SUFU: variants seen among roughly 807,000 people sequenced by gnomAD.
SUFU encodes the protein SUFU negative regulator of hedgehog signaling, also known as suppressor of fused homolog.
A neutral mutation model predicts 58.9 loss-of-function variants in SUFU; 7 were observed. That is an observed-to-expected ratio of 0.12 (90% CI 0.07 to 0.22). The LOEUF (loss-of-function observed/expected upper bound fraction) is 0.22. Among genes scored for constraint, SUFU ranks in the 10% least tolerant of loss-of-function variants. SUFU has a pLI of 1.00. For missense variants in SUFU, 451 were observed against 641.3 expected, an observed-to-expected ratio of 0.70 and a Z score of 3.20; for synonymous variants, 232 against 254.8, an observed-to-expected ratio of 0.91 and a Z score of 0.85.
At chr10:102,554,554 A>G (rs2062953935) in intron 3 of SUFU, among the ~76,000 whole-genome samples, 1 of 152,214 alleles carries the variant, frequency 6.6e-6, no homozygotes, top group South Asian at 2.1e-4. Context: ...CAATACTCTT[A>G]CCGTCTCCTG....
In SUFU at chr10:102,521,940, C is replaced by T. The variant is rs78856533; in HGVS notation, c.317+12637C>T. On this transcript the variant is annotated intron_variant, in intron 2 of 11. Transcript: ENST00000369902. The stretch of plus-strand genomic sequence containing the variant: ...TGATAATCCTATCACCTTTTGTTTA[C>T]AATTCTATGTCTGTTCTTATGATGA... 2.2e-4 allele frequency among the ~76,000 whole-genome samples: 33 copies of T among 152,272 alleles called. No individual in the cohort carries two copies. In the East Asian group the frequency reaches 6.4e-3, roughly 29 times the overall value.
rs186697227 is a variant in SUFU, at chr10:102,617,605, C to T, written c.1296+177C>T. The stretch of plus-strand genomic sequence containing the variant: ...TATGGAGTGTGGATGCTGCTACCCA[C>T]TCCAGCAGCTTAGGAGCACTTCCTG... On this transcript the variant is annotated intron_variant, in intron 10 of 11. Transcript: ENST00000369902. The surrounding 1 kb of genome is among the most constrained non-coding windows in gnomAD (Gnocchi z 4.4). 987 of 774,282 alleles carry T rather than the reference C, an allele frequency of 1.3e-3. 8 individuals are homozygous for T. The African/African-American group carries it at 0.015, about 12-fold the overall frequency. The allele number at this position is 774,282 out of a possible 1,614,324, so 48.0% of individuals were successfully genotyped here.
At position 102,504,107 on chromosome 10, in the gene SUFU, TCGTTTG is replaced by T; in HGVS notation, c.-44_-39del. On this transcript the variant is annotated 5_prime_UTR_variant, in exon 1 of 12. Coordinates refer to ENST00000369902, the MANE Select transcript of SUFU (RefSeq NM_016169.4). ...CGCTGGCCCGTCAGTGCTCTCCCCGTCGTTTGCCCTCTCCAGTTCCCCCAGTGCCTG... is the reference window on the plus strand; with the variant it reads ...CGCTGGCCCGTCAGTGCTCTCCCCGTCCCTCTCCAGTTCCCCCAGTGCCTG... The T allele has an allele frequency of 6.6e-7, 1 of 1,515,864 alleles. No individual in the cohort carries two copies. Among genetic ancestry groups the T allele is most frequent in the Non-Finnish European group, 8.8e-7 (1 of 1,136,908 alleles). 93.9% of individuals were successfully genotyped at this position (1,515,864 alleles called of 1,614,324 possible). A position where few individuals can be genotyped will look rare whatever the true frequency, so the allele number is the denominator to read the frequency against.
intron 2 of SUFU, among the ~76,000 whole-genome samples, chr10:102,539,440 T>G (rs560402683): frequency 6.6e-6 from 1 of 152,278 alleles, no homozygotes; most frequent in South Asian, 2.1e-4. Flanking sequence ...TTTGATTGTT[T>G]GGTTAAGGTG....
chr10:102,627,718 C>T (rs1012933000), intron 11 of SUFU, among the ~76,000 whole-genome samples: 4 of 152,336 alleles, frequency 2.6e-5, no homozygotes, highest in East Asian at 1.9e-4. Context: ...CTCCCTTCTT[C>T]GTCCTCCAGC....
At chr10:102,559,824 A>T (rs1210038820) in intron 3 of SUFU, among the ~76,000 whole-genome samples, 2 of 152,168 alleles carry the variant, frequency 1.3e-5, no homozygotes, top group Non-Finnish European at 2.9e-5. Flanking sequence ...TTTAACCACA[A>T]ATTCCAAGGC....
chr10:102,553,475 T>C (rs1021045368), intron 3 of SUFU, among the ~76,000 whole-genome samples: 1 of 151,944 alleles, frequency 6.6e-6, no homozygotes, highest in African/African-American at 2.4e-5. Context: ...TTTTTTTTTT[T>C]TTTTTTGAGA....
At position 102,619,430 on chromosome 10, in the gene SUFU, T is replaced by C; in HGVS notation, c.1296+2002T>C. ...GGAACGAGCTGCTGGCCTCGGCATGTTTCAATAAAGTTGCTGTGCTGGGAG... is the reference window on the plus strand; with the variant it reads ...GGAACGAGCTGCTGGCCTCGGCATGCTTCAATAAAGTTGCTGTGCTGGGAG... On this transcript the variant is annotated intron_variant, in intron 10 of 11. Coordinates refer to ENST00000369902, the MANE Select transcript of SUFU (RefSeq NM_016169.4). This position sits in a 1 kb window ranked among gnomAD's most constrained non-coding sequence, Gnocchi z 4.2. 1 of 1,331,974 alleles carries C rather than the reference T, an allele frequency of 7.5e-7. No individual in the cohort carries two copies. Among genetic ancestry groups the C allele is most frequent in the Non-Finnish European group, 9.7e-7 (1 of 1,035,566 alleles). 82.5% of individuals were successfully genotyped at this position (1,331,974 alleles called of 1,614,324 possible).
intron 3 of SUFU, among the ~76,000 whole-genome samples, chr10:102,589,846 G>C (rs566876733): frequency 6.6e-6 from 1 of 152,244 alleles, no homozygotes; most frequent in East Asian, 1.9e-4. Context: ...TCGTGTTCCT[G>C]ATCGTAGAAG....
At chr10:102,578,312 T>C (rs1346178374) in intron 3 of SUFU, among the ~76,000 whole-genome samples, 1 of 150,948 alleles carries the variant, frequency 6.6e-6, no homozygotes, top group East Asian at 2.0e-4. Flanking sequence ...GCATGATGGC[T>C]CATGCCTGTA....
chr10:102,617,802 G>C lies in SUFU; in HGVS notation c.1296+374G>C. On this transcript the variant is annotated intron_variant, in intron 10 of 11. Coordinates refer to ENST00000369902, the MANE Select transcript of SUFU (RefSeq NM_016169.4). The surrounding 1 kb of genome is among the most constrained non-coding windows in gnomAD (Gnocchi z 4.4). ...AAGCAAGATGGGAGGATGTGTGGAG[G>C]CCACTCTCCAATGGCTACATGGAAA... is the stretch of plus-strand genomic sequence containing the variant. 2.0e-6 allele frequency: 1 copy of C among 506,186 alleles called. No homozygotes were observed. Among genetic ancestry groups the C allele is most frequent in the East Asian group, 3.1e-5 (1 of 32,328 alleles). The allele number at this position is 506,186 out of a possible 1,614,324, so 31.4% of individuals were successfully genotyped here. A position where few individuals can be genotyped will look rare whatever the true frequency, so the allele number is the denominator to read the frequency against.
rs566173830 is a variant in SUFU, at chr10:102,592,783, A to G, written c.597+59A>G. The G allele has an allele frequency of 1.9e-6, 3 of 1,604,812 alleles. No homozygotes were observed. The African/African-American group carries it at 4.0e-5, about 21-fold the overall frequency. ...CCTGTGGGAAGGGTCCTGGGAGGACAAGGAGGCTTGAGGAGGGGGAGTGAA... is the reference window on the plus strand; with the variant it reads ...CCTGTGGGAAGGGTCCTGGGAGGACGAGGAGGCTTGAGGAGGGGGAGTGAA... On this transcript the variant is annotated intron_variant, in intron 4 of 11. Coordinates refer to ENST00000369902, the MANE Select transcript of SUFU (RefSeq NM_016169.4).
At position 102,631,280 on chromosome 10, in the gene SUFU, C is replaced by T; in HGVS notation, c.*1125C>T. 4.3e-6 allele frequency: 1 copy of T among 233,616 alleles called. No individual in the cohort carries two copies. The highest frequency in any genetic ancestry group is 8.5e-6 in the Non-Finnish European group (1 of 118,232). The allele number at this position is 233,616 out of a possible 1,614,324, so 14.5% of individuals were successfully genotyped here. ...TGCTCTCTGCTGCCCTCCCATCCTC[C>T]CTGTATCCATTCATGCCCTATCTTT... On this transcript the variant is annotated 3_prime_UTR_variant, in exon 12 of 12. Coordinates refer to ENST00000369902, the MANE Select transcript of SUFU (RefSeq NM_016169.4).
chr10:102,537,129 C>CTTTT (rs74317451), intron 2 of SUFU, among the ~76,000 whole-genome samples: 2 of 119,374 alleles, frequency 1.7e-5, no homozygotes, highest in South Asian at 2.7e-4. Flanking sequence ...TTAAATTTAC[C>CTTTT]TTTTTTTTTT....
chr10:102,584,695 A>T (rs1233207789), intron 3 of SUFU, among the ~76,000 whole-genome samples: 1 of 152,178 alleles, frequency 6.6e-6, no homozygotes. Flanking sequence ...CTTATTTAGT[A>T]TAGTGATATG....
chr10:102,534,200 G>A (rs1179300604), intron 2 of SUFU, among the ~76,000 whole-genome samples: 4 of 152,064 alleles, frequency 2.6e-5, no homozygotes, highest in Admixed American at 6.5e-5. Flanking sequence ...AGGCTGAGGC[G>A]GGTGGATCAC....
At chr10:102,541,621 A>T (rs1221947719) in intron 2 of SUFU, among the ~76,000 whole-genome samples, 1 of 145,776 alleles carries the variant, frequency 6.9e-6, no homozygotes. Context: ...CTGGTCTCCA[A>T]CTCCTGACCT....
chr10:102,573,904 G>T (rs1564688455), intron 3 of SUFU, among the ~76,000 whole-genome samples: 1 of 152,114 alleles, frequency 6.6e-6, no homozygotes, highest in Non-Finnish European at 1.5e-5. Flanking sequence ...GGAAATGGAA[G>T]CTTCTTATGG....
chr10:102,615,523 C>T, intron 9 of SUFU, 121 bp downstream of exon 9: 2 of 1,457,504 alleles, frequency 1.4e-6, no homozygotes, highest in Non-Finnish European at 1.9e-6. Flanking sequence ...CTCCAAGGAG[C>T]CACCAGGCCC....
Sources: gnomAD v4.1 joint callset for allele counts (sites outside exome capture counted in the v4.1 genomes callset) on GRCh38, gnomAD v4.1.1 for gene constraint, Gnocchi (gnomAD v3.1) non-coding constraint, MANE v1.5 for transcripts, NCBI Gene and HGNC (gene_info 2026-07-23, HGNC 2026-07-21) for gene names.